Variants in PTPRR observed in about 807,000 individuals in gnomAD.
The protein encoded by PTPRR is protein tyrosine phosphatase receptor type R.
In PTPRR, 38 loss-of-function variants were observed where a neutral mutation model predicts 77.2. That is an observed-to-expected ratio of 0.49 (90% CI 0.38 to 0.65). PTPRR has a LOEUF of 0.65. Among genes scored for constraint, PTPRR ranks in the 30% least tolerant of loss-of-function variants. The pLI is 0.00. For synonymous variants in PTPRR, 299 were observed against 283.1 expected (o/e 1.06, Z -0.57); for missense variants, 744 against 799.2 (o/e 0.93, Z 0.83).
intron 2 of PTPRR, among the ~76,000 whole-genome samples, chr12:70,811,186 C>G (rs1251951150): frequency 6.6e-6 from 1 of 152,104 alleles, no homozygotes; most frequent in African/African-American, 2.4e-5. Context: ...CAATGCATAA[C>G]AAACAAGGAA....
chr12:70,828,275 T>C (rs907751), intron 2 of PTPRR, among the ~76,000 whole-genome samples: 28,687 of 152,166 alleles, frequency 0.19, 4,368 homozygotes, highest in African/African-American at 0.42. Context: ...TTTCTTGCCC[T>C]TTGATCTGCT....
intron 10 of PTPRR, among the ~76,000 whole-genome samples, chr12:70,677,550 A>T (rs528178035): frequency 6.6e-6 from 1 of 152,282 alleles, no homozygotes; most frequent in African/African-American, 2.4e-5. Flanking sequence ...TGGGCTTGTC[A>T]TATATGGACT....
At chr12:70,788,751 T>C in intron 2 of PTPRR, 1 of 1,095,998 alleles carries the variant, frequency 9.1e-7, no homozygotes, top group Non-Finnish European at 1.3e-6. Flanking sequence ...AATCTTAATA[T>C]TTACCCTCCT....
chr12:70,840,239 T>C (rs1892373911), intron 2 of PTPRR, among the ~76,000 whole-genome samples: 1 of 152,184 alleles, frequency 6.6e-6, no homozygotes, highest in South Asian at 2.1e-4. Flanking sequence ...CAGGTTATCG[T>C]GTTTCTTGTC....
chr12:70,664,552 T>A (rs1886912071), intron 10 of PTPRR: 1 of 152,226 alleles, frequency 6.6e-6, no homozygotes, highest in African/African-American at 2.4e-5. Context: ...GGGCCCTCTT[T>A]AGGAAGGTGG....
intron 6 of PTPRR, among the ~76,000 whole-genome samples, chr12:70,714,915 G>A (rs1888963997): frequency 6.6e-6 from 1 of 152,138 alleles, no homozygotes; most frequent in Non-Finnish European, 1.5e-5. Flanking sequence ...GCCTAGGGAG[G>A]TTGAGGCTAC....
chr12:70,871,286 A>G (rs528993687), intron 2 of PTPRR, among the ~76,000 whole-genome samples: 1 of 152,326 alleles, frequency 6.6e-6, no homozygotes, highest in South Asian at 2.1e-4. Flanking sequence ...TGAGGGATAC[A>G]TAGGATTAGG....
intron 5 of PTPRR, among the ~76,000 whole-genome samples, chr12:70,753,358 A>G (rs1490253740): frequency 1.3e-5 from 2 of 152,196 alleles, no homozygotes; most frequent in African/African-American, 4.8e-5. Context: ...AAAACTAAGG[A>G]AGAAGTATTT....
intron 4 of PTPRR, among the ~76,000 whole-genome samples, chr12:70,761,079 G>A (rs1397422974): frequency 2.6e-5 from 4 of 152,078 alleles, no homozygotes; most frequent in Non-Finnish European, 5.9e-5. Context: ...TGACAATGAC[G>A]ACAATGAGGG....
intron 2 of PTPRR, among the ~76,000 whole-genome samples, chr12:70,815,896 C>T (rs1891894642): frequency 6.6e-6 from 1 of 152,108 alleles, no homozygotes; most frequent in African/African-American, 2.4e-5. Flanking sequence ...ATGGCCTAAA[C>T]AATTTTACAA....
At chr12:70,664,875 G>A (rs1169797445) in intron 10 of PTPRR, among the ~76,000 whole-genome samples, 2 of 152,156 alleles carry the variant, frequency 1.3e-5, no homozygotes, top group African/African-American at 4.8e-5. Flanking sequence ...TTAGATGACA[G>A]AAAAAGAGAC....
At chr12:70,680,217 C>T (rs924645059) in intron 10 of PTPRR, among the ~76,000 whole-genome samples, 1 of 152,208 alleles carries the variant, frequency 6.6e-6, no homozygotes, top group Non-Finnish European at 1.5e-5. Flanking sequence ...AATTCCTTTT[C>T]AGGCAATTTA....
chr12:70,841,330 G>T (rs1485643376), intron 2 of PTPRR, among the ~76,000 whole-genome samples: 1 of 152,094 alleles, frequency 6.6e-6, no homozygotes, highest in African/African-American at 2.4e-5. Context: ...TCAGTGTAGT[G>T]TGGGCACTCC....
At chr12:70,682,368 T>C (rs1887707424) in intron 10 of PTPRR, among the ~76,000 whole-genome samples, 1 of 152,286 alleles carries the variant, frequency 6.6e-6, no homozygotes, top group East Asian at 1.9e-4. Flanking sequence ...ACTGGAGGTG[T>C]TACCTTTGAA....
intron 1 of PTPRR, among the ~76,000 whole-genome samples, chr12:70,897,316 C>G (rs1362921866): frequency 6.6e-6 from 1 of 151,818 alleles, no homozygotes; most frequent in Non-Finnish European, 1.5e-5. Flanking sequence ...AGAAAAAAAA[C>G]AAACAACCCC....
intron 6 of PTPRR, among the ~76,000 whole-genome samples, chr12:70,722,197 G>A (rs947869390): frequency 2.6e-5 from 4 of 152,052 alleles, no homozygotes; most frequent in South Asian, 2.1e-4. Flanking sequence ...CAAATGCCTC[G>A]GGTGAATAAG....
intron 2 of PTPRR, among the ~76,000 whole-genome samples, chr12:70,846,506 A>C (rs964734102): frequency 6.6e-6 from 1 of 152,174 alleles, no homozygotes; most frequent in Non-Finnish European, 1.5e-5. Context: ...TATTGTGTGA[A>C]TGTTTGTGTC....
At chr12:70,678,298 G>A (rs1028620363) in intron 10 of PTPRR, among the ~76,000 whole-genome samples, 7 of 152,104 alleles carry the variant, frequency 4.6e-5, no homozygotes, top group Non-Finnish European at 1.0e-4. Flanking sequence ...GCCTCGGCCT[G>A]CCAAAGTGCT....
intron 2 of PTPRR, among the ~76,000 whole-genome samples, chr12:70,800,966 C>T (rs932245062): frequency 2.0e-5 from 3 of 151,886 alleles, no homozygotes. Flanking sequence ...GCACCTTCTC[C>T]CCACAAACCC....
Sources: allele counts gnomAD v4.1 joint callset (sites outside exome capture counted in the v4.1 genomes callset), GRCh38; gene constraint gnomAD v4.1.1; transcripts MANE v1.5; gene names NCBI Gene and HGNC (gene_info 2026-07-23, HGNC 2026-07-21).